The following TEX11 variants were observed in gnomAD, a reference collection of about 807,000 sequenced individuals.
TEX11 encodes the protein testis-expressed protein 11.
Under a neutral mutation model 84.4 loss-of-function variants are expected in TEX11, and 7 were observed. The ratio of observed to expected loss-of-function variants is 0.08; its 90% CI spans 0.05 to 0.16. The LOEUF (loss-of-function observed/expected upper bound fraction) is 0.16. Among genes scored for constraint, TEX11 ranks in the 10% least tolerant of loss-of-function variants. The probability of loss-of-function intolerance (pLI) is 1.00; values close to 1 mark genes in which losing one functional copy is unlikely to be tolerated. For missense variants in TEX11, 551 were observed against 660.5 expected (o/e 0.83, Z 1.82); for synonymous variants, 264 against 222.8 (o/e 1.18, Z -1.64).
chrX:70,576,290 T>G (rs954024930), intron 25 of TEX11, among the ~76,000 whole-genome samples: 5 of 112,074 alleles, frequency 4.5e-5, no homozygotes, highest in African/African-American at 1.3e-4. Flanking sequence ...CTTTGTACTT[T>G]CCCTCAATTT....
chrX:70,626,381 C>A (rs189249520), intron 18 of TEX11, among the ~76,000 whole-genome samples: 233 of 109,878 alleles, frequency 2.1e-3, no homozygotes, highest in African/African-American at 7.2e-3. Context: ...TAGTTCTCCA[C>A]CCCAGCTCTT....
intron 9 of TEX11, among the ~76,000 whole-genome samples, chrX:70,744,951 G>A (rs1357548821): frequency 1.9e-5 from 2 of 107,741 alleles, no homozygotes; most frequent in Non-Finnish European, 3.8e-5. Flanking sequence ...GAACTCCGGA[G>A]CTCAAGTGAT....
At chrX:70,804,533 A>G (rs752086972) in intron 9 of TEX11, among the ~76,000 whole-genome samples, 2 of 112,175 alleles carry the variant, frequency 1.8e-5, no homozygotes, top group Non-Finnish European at 3.8e-5. Flanking sequence ...TTAAAATCAT[A>G]TGTAATTACT....
chrX:70,667,590 G>T (rs2089986689), intron 16 of TEX11, among the ~76,000 whole-genome samples: 3 of 112,045 alleles, frequency 2.7e-5, no homozygotes, highest in Non-Finnish European at 5.6e-5. Flanking sequence ...TTGAAGGAAG[G>T]TTTTTGGATA....
At chrX:70,539,267 CA>C (rs973739350) in intron 28 of TEX11, among the ~76,000 whole-genome samples, 6 of 107,803 alleles carry the variant, frequency 5.6e-5, no homozygotes, top group African/African-American at 2.0e-4. Flanking sequence ...ACTCTGACCT[CA>C]AGTAATCCAT....
intron 21 of TEX11, 70 bp downstream of exon 21, chrX:70,610,433 G>C: frequency 1.0e-6 from 1 of 986,391 alleles, no homozygotes; most frequent in Non-Finnish European, 1.4e-6. Flanking sequence ...GCTGTGCTTA[G>C]TGTACTTGGA....
chrX:70,601,157 TA>T (rs1225871721), intron 24 of TEX11, among the ~76,000 whole-genome samples: 1 of 59,300 alleles, frequency 1.7e-5, no homozygotes, highest in Admixed American at 2.4e-4. Flanking sequence ...AAGAATCAAA[TA>T]GATGCAATAA....
the TEX11 span, among the ~76,000 whole-genome samples, chrX:70,518,646 G>T: frequency 9.0e-6 from 1 of 111,513 alleles, no homozygotes; most frequent in African/African-American, 3.3e-5. Context: ...GGTCCACTTG[G>T]TGCAGAGGTG....
rs747871574 is a variant in TEX11 at position 70,853,097 on chromosome X, C to T, written c.462G>A (p.Leu154=). The change falls in exon 7 of 30, where the codon TTG becomes TTA. Residue 154 remains leucine (L), a synonymous_variant. Coordinates refer to ENST00000374333, the MANE Select transcript of TEX11 (RefSeq NM_031276.3). ...TCTCAACAGTAATCTTCTCCATGGTCAAGTCAGCCTCAGGGGAGCTCCTTT... is the reference window on the plus strand; with the variant it reads ...TCTCAACAGTAATCTTCTCCATGGTTAAGTCAGCCTCAGGGGAGCTCCTTT... ...LIQRSSPEAD[L]TMEKITVESD... is the part of the protein sequence containing the mutation. The T allele has an allele frequency of 8.3e-7, 1 of 1,209,275 alleles. No homozygotes were observed. The highest frequency in any genetic ancestry group is 1.1e-6 in the Non-Finnish European group (1 of 894,043).
chrX:70,788,973 T>TATATATATAGAG (rs1211700739), intron 9 of TEX11, among the ~76,000 whole-genome samples: 3 of 9,558 alleles, frequency 3.1e-4, no homozygotes, highest in Non-Finnish European at 5.4e-4. Flanking sequence ...TATATATATA[T>TATATATATAGAG]AGAGAGAGAG....
intron 13 of TEX11, among the ~76,000 whole-genome samples, chrX:70,686,971 C>T (rs2090194473): frequency 9.0e-6 from 1 of 111,622 alleles, no homozygotes; most frequent in South Asian, 3.7e-4. Flanking sequence ...AGGTAGACAT[C>T]CATTTGCAAG....
intron 17 of TEX11, among the ~76,000 whole-genome samples, chrX:70,638,256 T>C (rs767869433): frequency 9.0e-6 from 1 of 110,741 alleles, no homozygotes; most frequent in Non-Finnish European, 1.9e-5. Context: ...AAAAGCAGCA[T>C]ATCACATATA....
the TEX11 span, among the ~76,000 whole-genome samples, chrX:70,523,769 CTTT>C: frequency 2.5e-4 from 23 of 90,933 alleles, no homozygotes; most frequent in African/African-American, 8.1e-4. Context: ...TGGCCCCCCT[CTTT>C]TTTTTTTTTT....
intron 2 of TEX11, among the ~76,000 whole-genome samples, chrX:70,896,319 A>T (rs1252193495): frequency 8.9e-6 from 1 of 112,727 alleles, no homozygotes; most frequent in Non-Finnish European, 1.9e-5. Flanking sequence ...CCACAATGAG[A>T]TACCATCTCA....
At chrX:70,719,319 G>T (rs2090535346) in intron 13 of TEX11, among the ~76,000 whole-genome samples, 1 of 111,958 alleles carries the variant, frequency 8.9e-6, no homozygotes, top group African/African-American at 3.2e-5. Context: ...AACCATTGCA[G>T]AAATATCTTC....
At chrX:70,580,975 T>G (rs1283718275) in intron 25 of TEX11, among the ~76,000 whole-genome samples, 1 of 111,658 alleles carries the variant, frequency 9.0e-6, no homozygotes, top group Non-Finnish European at 1.9e-5. Flanking sequence ...TATTGATTAC[T>G]AAGCACAGTT....
intron 21 of TEX11, among the ~76,000 whole-genome samples, chrX:70,609,960 G>T (rs745745634): frequency 1.8e-5 from 2 of 110,217 alleles, no homozygotes; most frequent in Admixed American, 1.9e-4. Flanking sequence ...ACAGACTTGG[G>T]TGGACAGCTT....
intron 16 of TEX11, among the ~76,000 whole-genome samples, chrX:70,656,588 C>G (rs1242926437): frequency 9.0e-6 from 1 of 111,237 alleles, no homozygotes; most frequent in Non-Finnish European, 1.9e-5. Flanking sequence ...CAAAATATCC[C>G]GAGGCATTAA....
intron 9 of TEX11, among the ~76,000 whole-genome samples, chrX:70,772,556 A>G (rs2090977831): frequency 9.0e-6 from 1 of 111,383 alleles, no homozygotes; most frequent in South Asian, 3.8e-4. Flanking sequence ...GCCTGGTGAC[A>G]GAGTGAGACC....
Sources: gnomAD v4.1 joint callset for allele counts (sites outside exome capture counted in the v4.1 genomes callset) on GRCh38, gnomAD v4.1.1 for gene constraint, MANE v1.5 for transcripts, NCBI Gene and HGNC (gene_info 2026-07-23, HGNC 2026-07-21) for gene names.